CNTNAP2: variants seen among roughly 807,000 people sequenced by gnomAD.
CNTNAP2 encodes the protein contactin associated protein 2, also known as contactin-associated protein-like 2.
Under a neutral mutation model 155.2 loss-of-function variants are expected in CNTNAP2, and 98 were observed. That is an observed-to-expected ratio of 0.63 (90% CI 0.54 to 0.75). The LOEUF (loss-of-function observed/expected upper bound fraction) is 0.75, where lower values mean the gene tolerates loss of function less well. Ranked by LOEUF, CNTNAP2 falls within the 30% of genes least tolerant of loss-of-function variation. The pLI is 0.00. For synonymous variants in CNTNAP2, 651 were observed against 631.2 expected, an observed-to-expected ratio of 1.03 and a Z score of -0.47; for missense variants, 1,727 against 1,688.1, an observed-to-expected ratio of 1.02 and a Z score of -0.40.
intron 3 of CNTNAP2, among the ~76,000 whole-genome samples, chr7:146,910,329 A>G (rs1405992738): frequency 2.7e-5 from 4 of 150,242 alleles, no homozygotes; most frequent in Non-Finnish European, 5.9e-5. Context: ...GGTACCAAAA[A>G]AGAGCCCGCA....
At chr7:146,605,090 A>C (rs966554186) in intron 1 of CNTNAP2, among the ~76,000 whole-genome samples, 2 of 139,322 alleles carry the variant, frequency 1.4e-5, no homozygotes, top group Admixed American at 1.4e-4. Context: ...AAAACAACAA[A>C]AAAAAAAAGA....
At chr7:147,431,357 T>C (rs558234865) in intron 10 of CNTNAP2, among the ~76,000 whole-genome samples, 1 of 152,310 alleles carries the variant, frequency 6.6e-6, no homozygotes, top group Non-Finnish European at 1.5e-5. Context: ...GTCCCTTTAA[T>C]AGCTTCTGAG....
chr7:146,363,226 C>T (rs6464754), intron 1 of CNTNAP2, among the ~76,000 whole-genome samples: 70,286 of 151,932 alleles, frequency 0.46, 18,511 homozygotes, highest in African/African-American at 0.72. Context: ...AGATGACTTC[C>T]GTAAAATTGT....
chr7:146,352,149 A>G (rs1401133594), intron 1 of CNTNAP2, among the ~76,000 whole-genome samples: 4 of 152,150 alleles, frequency 2.6e-5, no homozygotes, highest in African/African-American at 9.7e-5. Flanking sequence ...AGAGGAATTT[A>G]TTTGTATTTC....
chr7:146,397,038 C>T (rs1026290883), intron 1 of CNTNAP2, among the ~76,000 whole-genome samples: 21 of 152,086 alleles, frequency 1.4e-4, no homozygotes, highest in African/African-American at 5.1e-4. Context: ...TTCCAATAAT[C>T]TTGCCTTTAA....
intron 1 of CNTNAP2, among the ~76,000 whole-genome samples, chr7:146,138,461 A>C (rs1435026762): frequency 6.6e-6 from 1 of 152,134 alleles, no homozygotes; most frequent in East Asian, 1.9e-4. Flanking sequence ...ATTACTACTG[A>C]ATTTGTAAAT....
chr7:147,061,944 C>T (rs1025351247), intron 4 of CNTNAP2, among the ~76,000 whole-genome samples: 2 of 151,656 alleles, frequency 1.3e-5, no homozygotes, highest in Non-Finnish European at 2.9e-5. Context: ...CTGGCTCACA[C>T]GGTGAAACCC....
At chr7:146,138,240 G>A (rs756096992) in intron 1 of CNTNAP2, among the ~76,000 whole-genome samples, 14 of 152,104 alleles carry the variant, frequency 9.2e-5, no homozygotes, top group Non-Finnish European at 1.6e-4. Context: ...TGTGGAAAAT[G>A]TAATGTACTT....
intron 1 of CNTNAP2, among the ~76,000 whole-genome samples, chr7:146,147,187 G>C (rs1730153667): frequency 6.6e-6 from 1 of 152,050 alleles, no homozygotes; most frequent in Admixed American, 6.6e-5. Context: ...TTAAAATACT[G>C]TTGTTAAGCA....
Position 146,968,331 on chromosome 7 carries a change from A to T in CNTNAP2, c.403-75576A>T, listed in dbSNP as rs539814505. On this transcript the variant is annotated intron_variant, in intron 3 of 23. Transcript: ENST00000361727. ...AGGATAATGCTGGCCTCATAAAATG[A>T]GTTAGGGAGGATTCCCTCTTTTTCT... Among the ~76,000 whole-genome samples the T allele has an allele frequency of 8.8e-3, 1,343 of 152,090 alleles. 19 individuals are homozygous for T. The highest frequency in any genetic ancestry group is 0.031 in the African/African-American group (1,290 of 41,472).
intron 1 of CNTNAP2, among the ~76,000 whole-genome samples, chr7:146,389,988 A>T (rs1409514260): frequency 6.6e-6 from 1 of 152,120 alleles, no homozygotes; most frequent in East Asian, 1.9e-4. Flanking sequence ...GATGTGAGCC[A>T]TAGAGCCCAG....
At chr7:146,731,117 C>G (rs113416987) in intron 1 of CNTNAP2, among the ~76,000 whole-genome samples, 11 of 152,094 alleles carry the variant, frequency 7.2e-5, no homozygotes, top group Non-Finnish European at 1.6e-4. Flanking sequence ...TACCAAAAGT[C>G]AAATCACTAG....
chr7:146,169,779 T>G (rs1305910877), intron 1 of CNTNAP2, among the ~76,000 whole-genome samples: 3 of 151,416 alleles, frequency 2.0e-5, no homozygotes, highest in Non-Finnish European at 4.4e-5. Context: ...TCATCCATGT[T>G]GTTGCAAATG....
rs576820734 is a variant in CNTNAP2, at chr7:147,115,892, C to T, written c.755-5087C>T. Reference sequence around the variant, plus strand: ...AATCATTTGGAGGAAAAGGGGCACTCGGCTTTTTGATTTTTCAGAATTTTT... The same window carrying T: ...AATCATTTGGAGGAAAAGGGGCACTTGGCTTTTTGATTTTTCAGAATTTTT... On this transcript the variant is annotated intron_variant, in intron 5 of 23. Coordinates refer to ENST00000361727, the MANE Select transcript of CNTNAP2 (RefSeq NM_014141.6). Among the ~76,000 whole-genome samples the T allele has an allele frequency of 4.6e-5, 7 of 152,236 alleles. No homozygotes were observed. The East Asian group carries it at 5.8e-4, about 13-fold the overall frequency.
intron 21 of CNTNAP2, among the ~76,000 whole-genome samples, chr7:148,333,420 C>G (rs1798064881): frequency 2.1e-5 from 3 of 140,404 alleles, no homozygotes; most frequent in South Asian, 5.2e-4. Flanking sequence ...AGATCAGATT[C>G]CATCTCAGGA....
At chr7:146,882,171 G>A (rs775240314) in intron 3 of CNTNAP2, among the ~76,000 whole-genome samples, 5 of 152,058 alleles carry the variant, frequency 3.3e-5, no homozygotes, top group Non-Finnish European at 7.4e-5. Flanking sequence ...TAGTATTTTA[G>A]TGGTGTATAT....
chr7:146,281,483 C>T (rs916216565), intron 1 of CNTNAP2, among the ~76,000 whole-genome samples: 2 of 152,116 alleles, frequency 1.3e-5, no homozygotes, highest in African/African-American at 4.8e-5. Flanking sequence ...TCACTTACCT[C>T]GTGTATGACT....
At position 146,300,108 on chromosome 7, in the gene CNTNAP2, G is replaced by A. The variant is rs186777566; in HGVS notation, c.97+183135G>A. ...ATTTGCAGTTATCAAGAAATGAGGT[G>A]AAGAGGACTTGGAGTAATTTTGGCT... On this transcript the variant is annotated intron_variant, in intron 1 of 23. Transcript: ENST00000361727. 2.3e-3 allele frequency among the ~76,000 whole-genome samples: 348 copies of A among 152,270 alleles called. 2 individuals carry two copies. The highest frequency in any genetic ancestry group is 7.8e-3 in the African/African-American group (326 of 41,562).
chr7:146,771,195 A>AT (rs1802288008), intron 1 of CNTNAP2, among the ~76,000 whole-genome samples: 1 of 152,040 alleles, frequency 6.6e-6, no homozygotes, highest in Non-Finnish European at 1.5e-5. Context: ...ATAAATTTAC[A>AT]TTTTTTCGTT....
Sources: gnomAD v4.1 joint callset for allele counts (sites outside exome capture counted in the v4.1 genomes callset) on GRCh38, gnomAD v4.1.1 for gene constraint, MANE v1.5 for transcripts, NCBI Gene and HGNC (gene_info 2026-07-23, HGNC 2026-07-21) for gene names.